The following C2CD2 variants were observed in gnomAD, a reference collection of about 807,000 sequenced individuals.
C2CD2 encodes C2 calcium dependent domain containing 2.
C2CD2 carries 43 observed loss-of-function variants against 74.3 expected under a neutral mutation model. That is an observed-to-expected ratio of 0.58 (90% CI 0.45 to 0.75). The LOEUF is 0.75. C2CD2 is among the 30% of genes least tolerant of loss of function. The probability of loss-of-function intolerance (pLI) is 0.00; values close to 1 mark genes in which losing one functional copy is unlikely to be tolerated. For missense variants in C2CD2, 801 were observed against 916.3 expected (o/e 0.87, Z 1.63); for synonymous variants, 422 against 390.7 (o/e 1.08, Z -0.94).
intron 13 of C2CD2, chr21:41,894,564 C>T (rs530272370): frequency 9.0e-6 from 4 of 444,490 alleles, no homozygotes; most frequent in African/African-American, 4.0e-5. Context: ...GAGGAGACTC[C>T]GGAGAGTGTG....
At chr21:41,919,007 TTAATG>T in intron 3 of C2CD2, 47 bp from the exon 4 acceptor site, 1 of 1,383,226 alleles carries the variant, frequency 7.2e-7, no homozygotes. Context: ...CACCAAAGCC[TTAATG>T]TGCACGTGCG....
rs754823197 is a variant in C2CD2, at chr21:41,895,830, C to T, written c.1870+3223G>A. ...AACCCAGCAGAAAGAAAAACAATGA[C>T]CAGAAAAAAAAAACAATTGTCTTTG... is the stretch of plus-strand genomic sequence containing the variant. On this transcript the variant is annotated intron_variant, in intron 13 of 13. Transcript: ENST00000380486. This position sits in a 1 kb window ranked among gnomAD's most constrained non-coding sequence, Gnocchi z 5.0. 3.3e-5 allele frequency among the ~76,000 whole-genome samples: 5 copies of T among 151,832 alleles called. No individual in the cohort carries two copies. Among genetic ancestry groups the T allele is most frequent in the Admixed American group, 6.6e-5 (1 of 15,258 alleles).
rs117465011 is a variant in C2CD2, at chr21:41,938,709, G to A, written c.378+3438C>T. Among the ~76,000 whole-genome samples the A allele has an allele frequency of 8.6e-3, 1,290 of 150,524 alleles. 8 individuals are homozygous for A. Among genetic ancestry groups the A allele is most frequent in the Non-Finnish European group, 0.013 (867 of 67,724 alleles). On this transcript the variant is annotated intron_variant, in intron 2 of 13. Transcript: ENST00000380486. ...CATAATGTCCTCAAGGTTCATCCAC[G>A]TTATAGCCTATGTCAGAATGTCCTT...
In C2CD2 at chr21:41,920,149, C is replaced by T. The variant is rs187258316; in HGVS notation, c.493-1189G>A. Among the ~76,000 whole-genome samples, 15 of 152,154 alleles carry T rather than the reference C, an allele frequency of 9.9e-5. No individual in the cohort carries two copies. The East Asian group carries it at 1.5e-3, about 16-fold the overall frequency. ...ATTCTACCAACAACCCCAAAAGCAA[C>T]GAACAGACTCCCCTGTGACTGCCGC... On this transcript the variant is annotated intron_variant, in intron 3 of 13. Coordinates refer to ENST00000380486, the MANE Select transcript of C2CD2 (RefSeq NM_015500.2).
intron 2 of C2CD2, among the ~76,000 whole-genome samples, chr21:41,935,802 A>G (rs1487535514): frequency 1.3e-5 from 2 of 152,134 alleles, no homozygotes; most frequent in Non-Finnish European, 2.9e-5. Flanking sequence ...CAGTAAGCCA[A>G]GGTCGCGCTC....
chr21:41,927,671 A>G (rs2146208564), intron 2 of C2CD2, among the ~76,000 whole-genome samples: 1 of 152,174 alleles, frequency 6.6e-6, no homozygotes, highest in African/African-American at 2.4e-5. Context: ...GGGTTTCACT[A>G]TGTTGGCCAG....
chr21:41,912,323 C>A lies in C2CD2; in HGVS notation c.953+9G>T. On this transcript the variant is annotated intron_variant, in intron 7 of 13. Transcript: ENST00000380486. ...TGGACACACAGGCCCATAACCCGGCCAGACTCACAAGGTGAATTCCTCTTC... is the reference window on the plus strand; with the variant it reads ...TGGACACACAGGCCCATAACCCGGCAAGACTCACAAGGTGAATTCCTCTTC... The A allele has an allele frequency of 6.3e-7, 1 of 1,585,866 alleles. No homozygotes were observed. The highest frequency in any genetic ancestry group is 1.3e-5 in the African/African-American group (1 of 74,452).
At chr21:41,940,659 G>A (rs2065346964) in intron 2 of C2CD2, among the ~76,000 whole-genome samples, 1 of 152,210 alleles carries the variant, frequency 6.6e-6, no homozygotes, top group Non-Finnish European at 1.5e-5. Flanking sequence ...AGGAAGAGGA[G>A]GAATGGAGGA....
rs1290147949 is a variant in C2CD2 at position 41,886,161 on chromosome 21, A to G, written c.*2963T>C. On this transcript the variant is annotated 3_prime_UTR_variant, in exon 14 of 14. Coordinates refer to ENST00000380486, the MANE Select transcript of C2CD2 (RefSeq NM_015500.2). Reference sequence around the variant, plus strand: ...TGAGCACCCAGTTCCAGAGATACAGACACAATTAATCTTAGTGTTCATGAG... The same window carrying G: ...TGAGCACCCAGTTCCAGAGATACAGGCACAATTAATCTTAGTGTTCATGAG... The G allele has an allele frequency of 6.6e-6, 1 of 152,188 alleles. No homozygotes were observed. The highest frequency in any genetic ancestry group is 2.4e-5 in the African/African-American group (1 of 41,446). 9.4% of individuals were successfully genotyped at this position (152,188 alleles called of 1,614,324 possible). A position where few individuals can be genotyped will look rare whatever the true frequency, so the allele number is the denominator to read the frequency against.
Position 41,923,469 on chromosome 21 carries a change from T to C in C2CD2, c.379-1384A>G, listed in dbSNP as rs2065177623. On this transcript the variant is annotated intron_variant, in intron 2 of 13. Coordinates refer to ENST00000380486, the MANE Select transcript of C2CD2 (RefSeq NM_015500.2). This position sits in a 1 kb window ranked among gnomAD's most constrained non-coding sequence, Gnocchi z 5.8. Reference sequence around the variant, plus strand: ...GATGTTAGAAGTAAAAAAAGTTTTCTTAAATTACCCAGAACACAATGGGTT... The same window carrying C: ...GATGTTAGAAGTAAAAAAAGTTTTCCTAAATTACCCAGAACACAATGGGTT... 1.3e-5 allele frequency among the ~76,000 whole-genome samples: 2 copies of C among 152,228 alleles called. No homozygotes were observed. The highest frequency in any genetic ancestry group is 2.4e-5 in the African/African-American group (1 of 41,454).
chr21:41,911,322 T>A lies in C2CD2; in HGVS notation c.953+1010A>T, dbSNP rs994874710. On this transcript the variant is annotated intron_variant, in intron 7 of 13. Coordinates refer to ENST00000380486, the MANE Select transcript of C2CD2 (RefSeq NM_015500.2). ...TCATGTGCTGCTAGATTCTGTTTGA[T>A]AATATTTTATTTATGATTCTTACCC... Among the ~76,000 whole-genome samples, 5 of 152,172 alleles carry A rather than the reference T, an allele frequency of 3.3e-5. No homozygotes were observed. The East Asian group carries it at 9.6e-4, about 29-fold the overall frequency.
At position 41,889,361 on chromosome 21, in the gene C2CD2, C is replaced by A. The variant is rs767691548; in HGVS notation, c.1871-17G>T. ...GAATTCCTCCTGGAAGAGGGAGGCACAAGGGCTGGTCAAGTGGGCAGGGAA... is the reference window on the plus strand; with the variant it reads ...GAATTCCTCCTGGAAGAGGGAGGCAAAAGGGCTGGTCAAGTGGGCAGGGAA... On this transcript the variant is annotated splice_polypyrimidine_tract_variant and intron_variant, in intron 13 of 13. Transcript: ENST00000380486. The A allele has an allele frequency of 6.3e-7, 1 of 1,577,686 alleles. No individual in the cohort carries two copies. Among genetic ancestry groups the A allele is most frequent in the South Asian group, 1.1e-5 (1 of 89,962 alleles).
chr21:41,915,685 A>G (rs796223058), intron 5 of C2CD2, among the ~76,000 whole-genome samples: 2 of 152,198 alleles, frequency 1.3e-5, no homozygotes, highest in Admixed American at 6.5e-5. Context: ...GGTGATCCGC[A>G]CGCCTCAGCC....
chr21:41,937,273 C>T (rs377648395), intron 2 of C2CD2, among the ~76,000 whole-genome samples: 5 of 151,598 alleles, frequency 3.3e-5, no homozygotes, highest in African/African-American at 1.2e-4. Flanking sequence ...CCCATCACCA[C>T]GCTCGGCTAA....
chr21:41,914,401 G>A lies in C2CD2; in HGVS notation c.844+197C>T, dbSNP rs77870864. Among the ~76,000 whole-genome samples the A allele has an allele frequency of 3.3e-5, 5 of 151,888 alleles. No homozygotes were observed. The East Asian group carries it at 7.7e-4, about 23-fold the overall frequency. On this transcript the variant is annotated intron_variant, in intron 6 of 13. Transcript: ENST00000380486. Reference sequence around the variant, plus strand: ...TCCTTTCCCTCCTTGGCCTTCCCACGTGCAGAAACAGGATTGGATTTTTTA... The same window carrying A: ...TCCTTTCCCTCCTTGGCCTTCCCACATGCAGAAACAGGATTGGATTTTTTA...
Position 41,943,025 on chromosome 21 carries a change from G to C in C2CD2, c.280-780C>G, listed in dbSNP as rs73365237. 4.5e-4 allele frequency: 353 copies of C among 785,700 alleles called. No homozygotes were observed. In the African/African-American group the frequency reaches 6.2e-3, roughly 14 times the overall value. The allele number at this position is 785,700 out of a possible 1,614,324, so 48.7% of individuals were successfully genotyped here. A position where few individuals can be genotyped will look rare whatever the true frequency, so the allele number is the denominator to read the frequency against. The stretch of plus-strand genomic sequence containing the variant: ...GTTAAAAATCTCCAAGCAAAGCCAG[G>C]CATGGTGGCTCACACCGGTAATCCC... On this transcript the variant is annotated intron_variant, in intron 1 of 13. Coordinates refer to ENST00000380486, the MANE Select transcript of C2CD2 (RefSeq NM_015500.2).
chr21:41,930,478 G>A lies in C2CD2; in HGVS notation c.379-8393C>T, dbSNP rs111657738. ...AGCACTTTGGGAAGCCGAGGTGGGC[G>A]GATCAAGAGGTCAGGAGATCGAGAC... On this transcript the variant is annotated intron_variant, in intron 2 of 13. Transcript: ENST00000380486. Among the ~76,000 whole-genome samples, 246 of 150,210 alleles carry A rather than the reference G, an allele frequency of 1.6e-3. 4 individuals carry two copies. The highest frequency in any genetic ancestry group is 5.4e-3 in the African/African-American group (225 of 41,394).
intron 8 of C2CD2, chr21:41,908,013 C>G: frequency 1.8e-6 from 1 of 542,088 alleles, no homozygotes; most frequent in Non-Finnish European, 3.3e-6. Flanking sequence ...GACAGGCAGG[C>G]AATGTCCGGC....
In C2CD2 at chr21:41,953,558, G is replaced by A; in HGVS notation, c.91C>T (p.Leu31=). 6.7e-7 allele frequency: 1 copy of A among 1,497,386 alleles called. No individual in the cohort carries two copies. Among genetic ancestry groups the A allele is most frequent in the Non-Finnish European group, 8.8e-7 (1 of 1,131,854 alleles). 92.8% of individuals were successfully genotyped at this position (1,497,386 alleles called of 1,614,324 possible). A position where few individuals can be genotyped will look rare whatever the true frequency, so the allele number is the denominator to read the frequency against. ...LFVAALATVG[L]YLAQWALARA... The stretch of plus-strand genomic sequence containing the variant: ...GCCAGCGCCCACTGCGCCAGGTACA[G>A]GCCTACCGTGGCCAGGGCCGCGACG... The change falls in exon 1 of 14, where the codon CTG becomes TTG. Residue 31 remains leucine, a synonymous_variant. Coordinates refer to ENST00000380486, the MANE Select transcript of C2CD2 (RefSeq NM_015500.2).
Sources: gnomAD v4.1 joint callset for allele counts (sites outside exome capture counted in the v4.1 genomes callset) on GRCh38, gnomAD v4.1.1 for gene constraint, Gnocchi (gnomAD v3.1) non-coding constraint, MANE v1.5 for transcripts, NCBI Gene and HGNC (gene_info 2026-07-23, HGNC 2026-07-21) for gene names.